Variants in BMP5 observed in about 807,000 individuals in gnomAD.
BMP5 encodes the protein bone morphogenetic protein 5.
Under a neutral mutation model 46.6 loss-of-function variants are expected in BMP5, and 23 were observed. The observed-to-expected ratio is 0.49, with a 90% CI of 0.35 to 0.70. The LOEUF (loss-of-function observed/expected upper bound fraction) is 0.70. Among genes scored for constraint, BMP5 ranks in the 30% least tolerant of loss-of-function variants. The pLI is 0.00. For missense variants in BMP5, 545 were observed against 565.6 expected, an observed-to-expected ratio of 0.96 and a Z score of 0.37; for synonymous variants, 204 against 191.9, an observed-to-expected ratio of 1.06 and a Z score of -0.52.
intron 2 of BMP5, among the ~76,000 whole-genome samples, chr6:55,816,254 G>A (rs10485075): frequency 0.011 from 1,600 of 152,090 alleles, 100 homozygotes; most frequent in Admixed American, 0.093. Context: ...GAATCATACC[G>A]AGGAAAATGG....
chr6:55,866,945 A>C (rs551807859), intron 1 of BMP5, among the ~76,000 whole-genome samples: 2 of 152,342 alleles, frequency 1.3e-5, no homozygotes, highest in African/African-American at 4.8e-5. Flanking sequence ...ATTAACATAT[A>C]TATCAGTAAC....
intron 5 of BMP5, among the ~76,000 whole-genome samples, chr6:55,759,909 A>G (rs1364634727): frequency 6.6e-6 from 1 of 152,028 alleles, no homozygotes; most frequent in African/African-American, 2.4e-5. Flanking sequence ...CCATTCTAAT[A>G]GAATATTAGG....
chr6:55,834,267 A>G (rs535582812), intron 1 of BMP5, among the ~76,000 whole-genome samples: 1 of 152,288 alleles, frequency 6.6e-6, no homozygotes, highest in South Asian at 2.1e-4. Context: ...TTTAGGGTAG[A>G]CTTTACTAAC....
chr6:55,836,631 T>TACACACACAC (rs61358651), intron 1 of BMP5, among the ~76,000 whole-genome samples: 56 of 139,604 alleles, frequency 4.0e-4, no homozygotes, highest in South Asian at 1.2e-3. Flanking sequence ...CATACATACA[T>TACACACACAC]ACACACACAC....
At chr6:55,832,025 G>A (rs1222752729) in intron 1 of BMP5, among the ~76,000 whole-genome samples, 1 of 152,118 alleles carries the variant, frequency 6.6e-6, no homozygotes, top group Admixed American at 6.6e-5. Flanking sequence ...GAGGCAAATA[G>A]TCCGTACTGG....
At chr6:55,814,348 G>A (rs1446679777) in intron 2 of BMP5, among the ~76,000 whole-genome samples, 3 of 152,108 alleles carry the variant, frequency 2.0e-5, no homozygotes, top group Non-Finnish European at 4.4e-5. Flanking sequence ...GAAGTTATAT[G>A]AAAATATATT....
intron 1 of BMP5, among the ~76,000 whole-genome samples, chr6:55,826,118 A>C (rs1776525832): frequency 6.6e-6 from 1 of 151,838 alleles, no homozygotes; most frequent in South Asian, 2.1e-4. Context: ...TCAGTGAAAG[A>C]ATATGTACAT....
At chr6:55,759,692 C>G (rs181166447) in intron 5 of BMP5, among the ~76,000 whole-genome samples, 30 of 151,754 alleles carry the variant, frequency 2.0e-4, no homozygotes, top group African/African-American at 7.0e-4. Context: ...TAAATTGGAG[C>G]AAATTCCTAA....
At chr6:55,792,297 G>T (rs1775589211) in intron 3 of BMP5, among the ~76,000 whole-genome samples, 1 of 152,140 alleles carries the variant, frequency 6.6e-6, no homozygotes, top group Non-Finnish European at 1.5e-5. Context: ...ACTTTGGAAG[G>T]CCAAGGCGGG....
intron 3 of BMP5, among the ~76,000 whole-genome samples, chr6:55,776,691 T>C (rs920648864): frequency 1.3e-5 from 2 of 151,924 alleles, no homozygotes; most frequent in African/African-American, 2.4e-5. Context: ...TGAAATAGGT[T>C]GCTGAGAGAT....
chr6:55,806,980 G>A (rs1562047560), intron 2 of BMP5, among the ~76,000 whole-genome samples: 1 of 152,102 alleles, frequency 6.6e-6, no homozygotes, highest in Non-Finnish European at 1.5e-5. Flanking sequence ...CTGAGACAAT[G>A]GGGTTTTCTA....
rs1212121187 is a variant in BMP5, at chr6:55,822,982, G to A, written c.491-3135C>T. On this transcript the variant is annotated intron_variant, in intron 1 of 6. Transcript: ENST00000370830. ...AATTCCATGGGACATATTGGAATGAGTAATGGAATAAGACTTACAGCCTAA... is the reference window on the plus strand; with the variant it reads ...AATTCCATGGGACATATTGGAATGAATAATGGAATAAGACTTACAGCCTAA... Among the ~76,000 whole-genome samples the A allele has an allele frequency of 2.0e-5, 3 of 152,170 alleles. No homozygotes were observed. In the East Asian group the frequency reaches 5.8e-4, roughly 29 times the overall value.
chr6:55,865,563 CA>C, intron 1 of BMP5: 1 of 283,320 alleles, frequency 3.5e-6, no homozygotes, highest in South Asian at 2.9e-5. Context: ...ATCAGCTGTC[CA>C]GCTTGAAGAA....
chr6:55,796,500 CT>C lies in BMP5; in HGVS notation c.684-2074del, dbSNP rs370150582. 6.2e-3 allele frequency among the ~76,000 whole-genome samples: 923 copies of C among 148,956 alleles called. 4 individuals carry two copies. The highest frequency in any genetic ancestry group is 0.014 in the Middle Eastern group (4 of 294). The stretch of plus-strand genomic sequence containing the variant: ...TTCTTATGGAATTTGTATTTTTTTT[CT>C]TTTTTTTTATTATTATACTTTAAGT... On this transcript the variant is annotated intron_variant, in intron 2 of 6. Coordinates refer to ENST00000370830, the MANE Select transcript of BMP5 (RefSeq NM_021073.4).
Position 55,875,044 on chromosome 6 carries a change from A to G in BMP5, c.-179T>C, listed in dbSNP as rs1024928547. The G allele has an allele frequency of 3.1e-6, 2 of 654,092 alleles. No homozygotes were observed. The highest frequency in any genetic ancestry group is 1.8e-5 in the African/African-American group (1 of 54,500). 40.5% of individuals were successfully genotyped at this position (654,092 alleles called of 1,614,324 possible). ...CACCGATTTTCCTGTCCTATTTTAA[A>G]TATTTTGGAATATGTCAAGAGTAGT... On this transcript the variant is annotated 5_prime_UTR_variant, in exon 1 of 7. Coordinates refer to ENST00000370830, the MANE Select transcript of BMP5 (RefSeq NM_021073.4).
chr6:55,776,514 A>G (rs1775175910), intron 3 of BMP5, among the ~76,000 whole-genome samples: 1 of 150,300 alleles, frequency 6.7e-6, no homozygotes, highest in Non-Finnish European at 1.5e-5. Context: ...TCTGTTCTTT[A>G]AATTTTTTCA....
intron 1 of BMP5, among the ~76,000 whole-genome samples, chr6:55,832,659 G>A (rs1467286278): frequency 6.6e-6 from 1 of 152,154 alleles, no homozygotes; most frequent in African/African-American, 2.4e-5. Context: ...TGTGGAGCAT[G>A]CATTCAAATC....
chr6:55,780,109 A>G (rs962865243), intron 3 of BMP5, among the ~76,000 whole-genome samples: 2 of 151,916 alleles, frequency 1.3e-5, no homozygotes, highest in African/African-American at 2.4e-5. Flanking sequence ...CTTTGCCAGT[A>G]TTATATATTG....
chr6:55,874,791 T>G lies in BMP5; in HGVS notation c.75A>C (p.Ala25=). ...CATGATTGTCTCCCAAACCTCCTTT[T>G]GCATAACCCACTAGAACCCAGCAGC... is the stretch of plus-strand genomic sequence containing the variant. The part of the protein sequence containing the change: ...LWSCWVLVGY[A]KGGLGDNHVH... The change falls in exon 1 of 7, where the codon GCA becomes GCC. Residue 25 remains alanine (A), a synonymous_variant. Coordinates refer to ENST00000370830, the MANE Select transcript of BMP5 (RefSeq NM_021073.4). 1 of 1,613,424 alleles carries G rather than the reference T, an allele frequency of 6.2e-7. No homozygotes were observed. Among genetic ancestry groups the G allele is most frequent in the East Asian group, 2.2e-5 (1 of 44,836 alleles).
Sources: allele counts gnomAD v4.1 joint callset (sites outside exome capture counted in the v4.1 genomes callset), GRCh38; gene constraint gnomAD v4.1.1; transcripts MANE v1.5; gene names NCBI Gene and HGNC (gene_info 2026-07-23, HGNC 2026-07-21).